Variants in ALK observed in about 807,000 individuals in gnomAD.
The protein encoded by ALK is ALK receptor tyrosine kinase.
Under a neutral mutation model 163.1 loss-of-function variants are expected in ALK, and 74 were observed. The observed-to-expected ratio is 0.45, with a 90% CI of 0.38 to 0.55. The LOEUF is 0.55. Among genes scored for constraint, ALK ranks in the 20% least tolerant of loss-of-function variants. The pLI, the probability that ALK is intolerant of heterozygous loss-of-function variation, is 0.00. For missense variants in ALK, 2,063 were observed against 2,105.3 expected, an observed-to-expected ratio of 0.98 and a Z score of 0.39; for synonymous variants, 960 against 843.2, an observed-to-expected ratio of 1.14 and a Z score of -2.40.
intron 4 of ALK, among the ~76,000 whole-genome samples, chr2:29,475,693 C>T (rs1671499836): frequency 6.6e-6 from 1 of 152,148 alleles, no homozygotes; most frequent in Non-Finnish European, 1.5e-5. Context: ...CCTGGCCTCT[C>T]AGTCAAAGGT....
At position 29,832,868 on chromosome 2, in the gene ALK, A is replaced by G. The variant is rs141592957; in HGVS notation, c.667+87125T>C. ...CACTTCACCATGAGAGCATGTAAAGAAACTGCAGGTAGTTGGGAAATCAGG... is the reference window on the plus strand; with the variant it reads ...CACTTCACCATGAGAGCATGTAAAGGAACTGCAGGTAGTTGGGAAATCAGG... On this transcript the variant is annotated intron_variant, in intron 1 of 28. Coordinates refer to ENST00000389048, the MANE Select transcript of ALK (RefSeq NM_004304.5). Among the ~76,000 whole-genome samples, 594 of 152,354 alleles carry G rather than the reference A, an allele frequency of 3.9e-3. 1 individual carries two copies. Among genetic ancestry groups the G allele is most frequent in the African/African-American group, 0.014 (568 of 41,574 alleles).
intron 11 of ALK, among the ~76,000 whole-genome samples, chr2:29,264,723 C>A (rs1665168500): frequency 6.6e-6 from 1 of 152,240 alleles, no homozygotes; most frequent in Non-Finnish European, 1.5e-5. Context: ...GGTGGTCATG[C>A]ATGCCAGGGG....
chr2:29,608,074 G>C (rs1197552623), intron 3 of ALK, among the ~76,000 whole-genome samples: 4 of 152,010 alleles, frequency 2.6e-5, no homozygotes, highest in Non-Finnish European at 5.9e-5. Flanking sequence ...AGAAATCCAT[G>C]TGGCTTACTT....
intron 1 of ALK, among the ~76,000 whole-genome samples, chr2:29,845,983 G>A (rs1358004183): frequency 6.6e-6 from 1 of 152,218 alleles, no homozygotes; most frequent in Non-Finnish European, 1.5e-5. Context: ...CATGAAGGAA[G>A]CCTTTTCCAG....
At chr2:29,196,644 T>C in intron 28 of ALK, 126 bp downstream of exon 28, 1 of 784,896 alleles carries the variant, frequency 1.3e-6, no homozygotes, top group Non-Finnish European at 2.2e-6. Context: ...AGAAAATTAA[T>C]TTTCACTATT....
At chr2:29,420,215 C>G (rs979985678) in intron 4 of ALK, among the ~76,000 whole-genome samples, 3 of 143,622 alleles carry the variant, frequency 2.1e-5, no homozygotes, top group East Asian at 2.0e-4. Flanking sequence ...ATGCATCATA[C>G]AAATCCAACT....
chr2:29,906,350 T>A (rs1667549509), intron 1 of ALK, among the ~76,000 whole-genome samples: 1 of 152,258 alleles, frequency 6.6e-6, no homozygotes, highest in South Asian at 2.1e-4. Context: ...CATTGCTGTC[T>A]GTGCAGCATC....
At chr2:29,251,409 C>T in intron 11 of ALK, 142 bp from the exon 12 acceptor site, 2 of 818,912 alleles carry the variant, frequency 2.4e-6, no homozygotes, top group Non-Finnish European at 2.0e-6. Flanking sequence ...GCAAGAAACA[C>T]CAATCAGCCA....
intron 23 of ALK, among the ~76,000 whole-genome samples, chr2:29,216,227 C>T (rs1159359447): frequency 1.3e-5 from 2 of 152,268 alleles, no homozygotes; most frequent in South Asian, 2.1e-4. Context: ...TGGCCATGGT[C>T]GTGGGCCTTG....
rs71403658 is a variant in ALK, at chr2:29,318,569, CTT to C, written c.1547-167_1547-166del. ...AAGAAAGCCCACCTGTCAACAATTT[CTT>C]TTTTTTTTTTTTTGAGACAGAGTCT... On this transcript the variant is annotated intron_variant, in intron 7 of 28. Transcript: ENST00000389048. Among the ~76,000 whole-genome samples the C allele has an allele frequency of 0.011, 1,560 of 142,242 alleles. 25 individuals are homozygous for C. The highest frequency in any genetic ancestry group is 0.037 in the African/African-American group (1,451 of 38,876). 93.3% of individuals were successfully genotyped at this position (142,242 alleles called of 152,430 possible).
chr2:29,642,003 T>C lies in ALK; in HGVS notation c.952+52847A>G, dbSNP rs78612701. 9.5e-3 allele frequency among the ~76,000 whole-genome samples: 1,453 copies of C among 152,322 alleles called. 22 individuals are homozygous for C. Among genetic ancestry groups the C allele is most frequent in the African/African-American group, 0.033 (1,376 of 41,568 alleles). On this transcript the variant is annotated intron_variant, in intron 3 of 28. Coordinates refer to ENST00000389048, the MANE Select transcript of ALK (RefSeq NM_004304.5). Reference sequence around the variant, plus strand: ...TTTGGGCTCCATCCATGATTCTTTGTATGTGGAGCCTGAGAATTTGTATTT... The same window carrying C: ...TTTGGGCTCCATCCATGATTCTTTGCATGTGGAGCCTGAGAATTTGTATTT...
chr2:29,236,121 C>T (rs1664374410), intron 13 of ALK, among the ~76,000 whole-genome samples: 1 of 151,706 alleles, frequency 6.6e-6, no homozygotes, highest in Non-Finnish European at 1.5e-5. Context: ...GGATTACGGG[C>T]ATGAGCCATC....
intron 3 of ALK, among the ~76,000 whole-genome samples, chr2:29,566,871 A>C (rs904095847): frequency 1.3e-5 from 2 of 152,172 alleles, no homozygotes; most frequent in Non-Finnish European, 2.9e-5. Context: ...TAAAGCCACA[A>C]AACAGAATGC....
intron 2 of ALK, among the ~76,000 whole-genome samples, chr2:29,699,881 C>T (rs985043574): frequency 5.3e-5 from 8 of 152,268 alleles, no homozygotes; most frequent in African/African-American, 1.7e-4. Context: ...CTGAGAGGAG[C>T]GTCAAGTGCT....
At chr2:29,699,536 A>T (rs1223170382) in intron 2 of ALK, among the ~76,000 whole-genome samples, 2 of 152,184 alleles carry the variant, frequency 1.3e-5, no homozygotes, top group Non-Finnish European at 2.9e-5. Context: ...TAGATGAGAA[A>T]CCAATGAAGT....
chr2:29,564,386 A>G (rs1293466141), intron 3 of ALK, among the ~76,000 whole-genome samples: 1 of 152,192 alleles, frequency 6.6e-6, no homozygotes, highest in African/African-American at 2.4e-5. Flanking sequence ...TCCAATAAAA[A>G]TGAGTGAACA....
intron 1 of ALK, among the ~76,000 whole-genome samples, chr2:29,854,016 T>G (rs1666076276): frequency 6.6e-6 from 1 of 151,956 alleles, no homozygotes; most frequent in Admixed American, 6.6e-5. Context: ...TTCAAGTGAT[T>G]CTTCTGCCTC....
intron 3 of ALK, among the ~76,000 whole-genome samples, chr2:29,553,262 C>T (rs763420266): frequency 6.6e-6 from 1 of 152,150 alleles, no homozygotes; most frequent in East Asian, 1.9e-4. Flanking sequence ...TTTCCCTTAG[C>T]CCCTTCTGAC....
At chr2:29,705,278 T>TATAA (rs1553349870) in intron 2 of ALK, among the ~76,000 whole-genome samples, 23 of 44,992 alleles carry the variant, frequency 5.1e-4, no homozygotes, top group Non-Finnish European at 7.8e-5. Context: ...TATATATATA[T>TATAA]ATAAATATAT....
Sources: gnomAD v4.1 joint callset for allele counts (sites outside exome capture counted in the v4.1 genomes callset) on GRCh38, gnomAD v4.1.1 for gene constraint, MANE v1.5 for transcripts, NCBI Gene and HGNC (gene_info 2026-07-23, HGNC 2026-07-21) for gene names.